Variants in ASIC2 observed in about 807,000 individuals in gnomAD.
ASIC2 encodes acid-sensing ion channel 2.
In ASIC2, 25 loss-of-function variants were observed where a neutral mutation model predicts 57.3. The observed-to-expected ratio is 0.44, with a 90% CI of 0.32 to 0.61. The LOEUF (loss-of-function observed/expected upper bound fraction) is 0.61. Ranked by LOEUF, ASIC2 falls within the 20% of genes least tolerant of loss-of-function variation. ASIC2 has a pLI of 0.06. For synonymous variants in ASIC2, 319 were observed against 307.5 expected, an observed-to-expected ratio of 1.04 and a Z score of -0.39; for missense variants, 641 against 738.1, an observed-to-expected ratio of 0.87 and a Z score of 1.52.
intron 1 of ASIC2, among the ~76,000 whole-genome samples, chr17:34,145,582 A>G (rs1181506686): frequency 6.6e-6 from 1 of 152,168 alleles, no homozygotes; most frequent in African/African-American, 2.4e-5. Flanking sequence ...GCCGATATCC[A>G]CTTATCTAAA....
intron 1 of ASIC2, among the ~76,000 whole-genome samples, chr17:33,441,041 T>C (rs528758044): frequency 6.6e-6 from 1 of 152,318 alleles, no homozygotes; most frequent in East Asian, 1.9e-4. Context: ...TGATCACAGC[T>C]CACTGTAGGC....
chr17:33,725,142 C>T (rs1347993822), intron 1 of ASIC2, among the ~76,000 whole-genome samples: 1 of 152,368 alleles, frequency 6.6e-6, no homozygotes, highest in African/African-American at 2.4e-5. Flanking sequence ...CTCAAGGCAG[C>T]TCTGCTCCCC....
At chr17:34,023,325 T>C (rs1030992481) in intron 1 of ASIC2, among the ~76,000 whole-genome samples, 2 of 151,810 alleles carry the variant, frequency 1.3e-5, no homozygotes, top group Admixed American at 1.3e-4. Context: ...CAAATCCCCA[T>C]GATACTTTCT....
intron 1 of ASIC2, among the ~76,000 whole-genome samples, chr17:33,918,625 C>T (rs1002679811): frequency 2.6e-5 from 4 of 151,944 alleles, no homozygotes; most frequent in Non-Finnish European, 4.4e-5. Context: ...AAAGAAATAA[C>T]AAAAAAGTAG....
chr17:33,473,554 G>A (rs1313356897), intron 1 of ASIC2, among the ~76,000 whole-genome samples: 1 of 152,142 alleles, frequency 6.6e-6, no homozygotes, highest in African/African-American at 2.4e-5. Flanking sequence ...CTTGCAGGCT[G>A]AGTTAGGAAG....
At chr17:33,058,053 A>AT (rs111405582) in intron 3 of ASIC2, among the ~76,000 whole-genome samples, 1 of 152,202 alleles carries the variant, frequency 6.6e-6, no homozygotes, top group East Asian at 1.9e-4. Flanking sequence ...TTAAAAAAAA[A>AT]GGTATGTATG....
At chr17:33,590,118 A>C (rs2142004288) in intron 1 of ASIC2, among the ~76,000 whole-genome samples, 1 of 152,252 alleles carries the variant, frequency 6.6e-6, no homozygotes, top group South Asian at 2.1e-4. Context: ...CTCTGGGTTC[A>C]TTCAGGAAAA....
intron 1 of ASIC2, among the ~76,000 whole-genome samples, chr17:33,333,155 C>T (rs1268775949): frequency 6.6e-6 from 1 of 152,136 alleles, no homozygotes; most frequent in Non-Finnish European, 1.5e-5. Flanking sequence ...ATGCTCCTGC[C>T]TTTGTTTGTT....
chr17:33,635,428 C>T (rs1241121194), intron 1 of ASIC2, among the ~76,000 whole-genome samples: 4 of 152,178 alleles, frequency 2.6e-5, no homozygotes, highest in Non-Finnish European at 4.4e-5. Flanking sequence ...GGACTCTAAC[C>T]AGGTCATTGT....
At chr17:33,974,628 C>CCATCCATG (rs1325422310) in intron 1 of ASIC2, among the ~76,000 whole-genome samples, 18 of 151,548 alleles carry the variant, frequency 1.2e-4, no homozygotes, top group African/African-American at 4.4e-4. Context: ...ATCCATCCAT[C>CCATCCATG]CATCCATCCA....
At chr17:33,425,911 C>A (rs750977299) in intron 1 of ASIC2, among the ~76,000 whole-genome samples, 4 of 152,060 alleles carry the variant, frequency 2.6e-5, no homozygotes, top group African/African-American at 7.2e-5. Flanking sequence ...CTAGGAGACC[C>A]GGTCAGGCGC....
At chr17:33,238,248 G>A (rs1490464755) in intron 1 of ASIC2, among the ~76,000 whole-genome samples, 1 of 152,218 alleles carries the variant, frequency 6.6e-6, no homozygotes, top group Non-Finnish European at 1.5e-5. Context: ...AGAGCTGCAC[G>A]ACGGCACTGC....
chr17:33,093,538 G>T (rs923824613), intron 2 of ASIC2, among the ~76,000 whole-genome samples: 2 of 152,006 alleles, frequency 1.3e-5, no homozygotes, highest in African/African-American at 4.8e-5. Flanking sequence ...AAGCTGAAAC[G>T]CAGACAGCGT....
intron 1 of ASIC2, among the ~76,000 whole-genome samples, chr17:33,143,269 T>C (rs996410114): frequency 6.6e-6 from 1 of 152,196 alleles, no homozygotes; most frequent in Admixed American, 6.5e-5. Context: ...CAAATATAGG[T>C]TGGACTTGAG....
rs1279610525 is a variant in ASIC2, at chr17:34,029,243, C to T, written c.555+126735G>A. ...CTACATTCTAGGAAGTAGATAGGCT[C>T]TGTGAAGATAAGGATTTTTGTCTGT... is the stretch of plus-strand genomic sequence containing the variant. On this transcript the variant is annotated intron_variant, in intron 1 of 9. Transcript: ENST00000359872. Among the ~76,000 whole-genome samples, 4 of 152,208 alleles carry T rather than the reference C, an allele frequency of 2.6e-5. No homozygotes were observed. The East Asian group carries it at 5.8e-4, about 22-fold the overall frequency.
At chr17:34,124,700 G>C (rs188073543) in intron 1 of ASIC2, among the ~76,000 whole-genome samples, 29 of 152,236 alleles carry the variant, frequency 1.9e-4, no homozygotes, top group African/African-American at 6.3e-4. Context: ...GCTCTTCTTG[G>C]GGGCCCCCTT....
At chr17:33,192,471 A>T (rs1322825336) in intron 1 of ASIC2, among the ~76,000 whole-genome samples, 2 of 152,060 alleles carry the variant, frequency 1.3e-5, no homozygotes, top group Non-Finnish European at 2.9e-5. Flanking sequence ...AAAAAAACCA[A>T]GACAGAGTTT....
chr17:33,223,756 G>A (rs1349790357), intron 1 of ASIC2, among the ~76,000 whole-genome samples: 1 of 152,236 alleles, frequency 6.6e-6, no homozygotes, highest in African/African-American at 2.4e-5. Context: ...TGGGGTGGCA[G>A]TATTGCAGAG....
At chr17:34,055,651 T>G (rs1417806244) in intron 1 of ASIC2, among the ~76,000 whole-genome samples, 1 of 152,218 alleles carries the variant, frequency 6.6e-6, no homozygotes, top group Non-Finnish European at 1.5e-5. Context: ...CACGGTATTT[T>G]CTTGTGTCTT....
Sources: allele counts gnomAD v4.1 joint callset (sites outside exome capture counted in the v4.1 genomes callset), GRCh38; gene constraint gnomAD v4.1.1; transcripts MANE v1.5; gene names NCBI Gene and HGNC (gene_info 2026-07-23, HGNC 2026-07-21).